POU6F2: variants seen among roughly 807,000 people sequenced by gnomAD.
POU6F2 encodes POU class 6 homeobox 2.
A neutral mutation model predicts 71.3 loss-of-function variants in POU6F2; 31 were observed. The observed-to-expected ratio is 0.43, with a 90% confidence interval of 0.33 to 0.59. POU6F2 has a LOEUF of 0.59. Ranked by LOEUF, POU6F2 falls within the 20% of genes least tolerant of loss-of-function variation. The pLI is 0.04. For synonymous variants in POU6F2, 347 were observed against 355.7 expected, an observed-to-expected ratio of 0.98 and a Z score of 0.27; for missense variants, 783 against 856.8, an observed-to-expected ratio of 0.91 and a Z score of 1.07.
At chr7:39,027,221 T>C (rs1288886831) in intron 1 of POU6F2, among the ~76,000 whole-genome samples, 2 of 152,156 alleles carry the variant, frequency 1.3e-5, no homozygotes, top group East Asian at 3.9e-4. Context: ...CTTGAGACCT[T>C]TGAAGCTTCT....
chr7:39,287,898 G>A (rs1299249770), intron 4 of POU6F2, among the ~76,000 whole-genome samples: 1 of 152,162 alleles, frequency 6.6e-6, no homozygotes, highest in African/African-American at 2.4e-5. Flanking sequence ...CCAGGGCTCT[G>A]TATATAACAG....
intron 8 of POU6F2, among the ~76,000 whole-genome samples, chr7:39,454,656 A>T (rs563434034): frequency 0.09 from 9 of 100 alleles, no homozygotes; most frequent in African/African-American, 0.21. Flanking sequence ...AAGACCAGGG[A>T]TATATATATA....
chr7:39,460,504 G>A lies in POU6F2; in HGVS notation c.1490-43G>A. ...CGTAATAAACAGATATTGCTCGGCT[G>A]TGTGTTGACGTATTGATCCTATTTT... is the stretch of plus-strand genomic sequence containing the variant. On this transcript the variant is annotated intron_variant, in intron 8 of 9. Transcript: ENST00000518318. The surrounding 1 kb of genome is among the most constrained non-coding windows in gnomAD (Gnocchi z 4.4). 6.3e-7 allele frequency: 1 copy of A among 1,597,852 alleles called. No homozygotes were observed. Among genetic ancestry groups the A allele is most frequent in the Non-Finnish European group, 8.5e-7 (1 of 1,170,362 alleles).
chr7:39,182,174 A>T (rs1230326850), intron 2 of POU6F2, among the ~76,000 whole-genome samples: 1 of 152,206 alleles, frequency 6.6e-6, no homozygotes, highest in Non-Finnish European at 1.5e-5. Context: ...CGAATGACAC[A>T]TTGCAAATAA....
rs79661642 is a variant in POU6F2 at position 39,107,431 on chromosome 7, G to T, written c.277+21400G>T. ...TTTTTTCAACTTTTGTAGACTGTTA[G>T]ATAAGAGCAAATAAAACATATTAAC... On this transcript the variant is annotated intron_variant, in intron 2 of 9. Transcript: ENST00000518318. 9.7e-3 allele frequency among the ~76,000 whole-genome samples: 1,472 copies of T among 152,050 alleles called. 20 individuals carry two copies. The highest frequency in any genetic ancestry group is 0.029 in the African/African-American group (1,210 of 41,468).
intron 4 of POU6F2, among the ~76,000 whole-genome samples, chr7:39,209,756 G>C (rs567075812): frequency 6.6e-6 from 1 of 152,286 alleles, no homozygotes; most frequent in African/African-American, 2.4e-5. Context: ...GCGACCTATT[G>C]CACAGCCCTT....
At position 39,174,407 on chromosome 7, in the gene POU6F2, A is replaced by G. The variant is rs373422574; in HGVS notation, c.278-29828A>G. On this transcript the variant is annotated intron_variant, in intron 2 of 9. Transcript: ENST00000518318. ...ATATTTTTATATTGTGGGTGTGATC[A>G]GGACTGTTCTTAAGGGTGACTATAA... Among the ~76,000 whole-genome samples the G allele has an allele frequency of 1.0e-3, 152 of 152,302 alleles. 2 individuals carry two copies. In the South Asian group the frequency reaches 0.022, roughly 22 times the overall value.
intron 4 of POU6F2, among the ~76,000 whole-genome samples, chr7:39,311,104 GCTGTCTCCTC>G (rs1161625805): frequency 6.6e-6 from 1 of 151,904 alleles, no homozygotes; most frequent in African/African-American, 2.4e-5. Context: ...TTACCAAGTG[GCTGTCTCCTC>G]CTCCTCACTC....
At chr7:39,034,751 T>C (rs1648831786) in intron 1 of POU6F2, among the ~76,000 whole-genome samples, 1 of 152,064 alleles carries the variant, frequency 6.6e-6, no homozygotes, top group African/African-American at 2.4e-5. Context: ...TGATCATAAT[T>C]GAGGTGATGT....
At chr7:39,326,741 C>A (rs1459496556) in intron 4 of POU6F2, among the ~76,000 whole-genome samples, 1 of 152,076 alleles carries the variant, frequency 6.6e-6, no homozygotes, top group Non-Finnish European at 1.5e-5. Flanking sequence ...TTCTTTAACT[C>A]ATGCTGTAGG....
chr7:39,069,044 C>T (rs1374574027), intron 1 of POU6F2, among the ~76,000 whole-genome samples: 1 of 152,128 alleles, frequency 6.6e-6, no homozygotes, highest in Non-Finnish European at 1.5e-5. Context: ...AAGCATCTGC[C>T]TTCTGTACAG....
chr7:39,262,612 C>A (rs1784157994), intron 4 of POU6F2, among the ~76,000 whole-genome samples: 1 of 152,076 alleles, frequency 6.6e-6, no homozygotes, highest in Non-Finnish European at 1.5e-5. Flanking sequence ...ATATACTGAT[C>A]AATATCACAC....
At chr7:39,366,156 C>T (rs1024008094) in intron 5 of POU6F2, among the ~76,000 whole-genome samples, 1 of 152,028 alleles carries the variant, frequency 6.6e-6, no homozygotes, top group East Asian at 1.9e-4. Context: ...TTGAAGTAGT[C>T]ACAGGAATGA....
chr7:39,428,224 A>AT (rs1312770396), intron 6 of POU6F2, among the ~76,000 whole-genome samples: 1 of 152,090 alleles, frequency 6.6e-6, no homozygotes, highest in Non-Finnish European at 1.5e-5. Flanking sequence ...TATTTGAATG[A>AT]TTTTTTTTAG....
Position 39,379,689 on chromosome 7 carries a change from T to A in POU6F2, c.973-26911T>A, listed in dbSNP as rs143919860. On this transcript the variant is annotated intron_variant, in intron 5 of 9. Transcript: ENST00000518318. ...TTACTATCGTTCTCCTTTTTTCTTT[T>A]AAAAAAAAATTTTAAACACAAATCC... Among the ~76,000 whole-genome samples, 332 of 152,100 alleles carry A rather than the reference T, an allele frequency of 2.2e-3. 2 individuals carry two copies. The highest frequency in any genetic ancestry group is 7.4e-3 in the African/African-American group (309 of 41,506).
chr7:39,173,874 G>GT (rs1793275171), intron 2 of POU6F2, among the ~76,000 whole-genome samples: 1 of 152,222 alleles, frequency 6.6e-6, no homozygotes, highest in Non-Finnish European at 1.5e-5. Context: ...TACATACTCT[G>GT]TGGCTGTCAT....
chr7:39,167,775 C>T (rs1055420957), intron 2 of POU6F2, among the ~76,000 whole-genome samples: 2 of 151,608 alleles, frequency 1.3e-5, no homozygotes, highest in Non-Finnish European at 2.9e-5. Flanking sequence ...AATATTAATG[C>T]TCTAAATATT....
intron 2 of POU6F2, among the ~76,000 whole-genome samples, chr7:39,179,520 C>T (rs1346963832): frequency 2.6e-5 from 4 of 151,926 alleles, no homozygotes; most frequent in South Asian, 2.1e-4. Context: ...AGACCGCACG[C>T]GCGCACATGC....
At position 39,288,983 on chromosome 7, in the gene POU6F2, G is replaced by T. The variant is rs543749572; in HGVS notation, c.599-50659G>T. ...TTTCATTTTGAGCCCAAAACGGTGCGTTTTCTCCAACTTCCAAACATTGCT... is the reference window on the plus strand; with the variant it reads ...TTTCATTTTGAGCCCAAAACGGTGCTTTTTCTCCAACTTCCAAACATTGCT... On this transcript the variant is annotated intron_variant, in intron 4 of 9. Coordinates refer to ENST00000518318, the MANE Select transcript of POU6F2 (RefSeq NM_001370959.1). 6.6e-5 allele frequency among the ~76,000 whole-genome samples: 10 copies of T among 152,250 alleles called. No individual in the cohort carries two copies. The South Asian group carries it at 1.7e-3, about 25-fold the overall frequency.
Sources: allele counts gnomAD v4.1 joint callset (sites outside exome capture counted in the v4.1 genomes callset), GRCh38; gene constraint gnomAD v4.1.1; non-coding constraint Gnocchi (gnomAD v3.1); transcripts MANE v1.5; gene names NCBI Gene and HGNC (gene_info 2026-07-23, HGNC 2026-07-21).